The following VWA3B variants were observed in gnomAD, a reference collection of about 807,000 sequenced individuals.
VWA3B encodes the protein von Willebrand factor A domain-containing protein 3B.
In VWA3B, 138 loss-of-function variants were observed where a neutral mutation model predicts 158.3. The observed-to-expected ratio is 0.87, with a 90% CI of 0.76 to 1.00. The LOEUF (loss-of-function observed/expected upper bound fraction) is 1.00, where lower values mean the gene tolerates loss of function less well. VWA3B is among the 50% of genes least tolerant of loss of function. The pLI, the probability that VWA3B is intolerant of heterozygous loss-of-function variation, is 0.00. For synonymous variants in VWA3B, 596 were observed against 587.3 expected (o/e 1.01, Z -0.21); for missense variants, 1,555 against 1,565.1 (o/e 0.99, Z 0.11).
rs960569117 is a variant in VWA3B at position 98,281,022 on chromosome 2, C to G, written c.3046-9489C>G. ...TGCAAATGCCCTGGGAAGGAAGGCA[C>G]TAATTCGTTTGCCATGGGCCACTCG... On this transcript the variant is annotated intron_variant, in intron 22 of 27. Coordinates refer to ENST00000477737, the MANE Select transcript of VWA3B (RefSeq NM_144992.5). Among the ~76,000 whole-genome samples, 13 of 152,212 alleles carry G rather than the reference C, an allele frequency of 8.5e-5. 1 individual carries two copies. Among genetic ancestry groups the G allele is most frequent in the African/African-American group, 3.1e-4 (13 of 41,446 alleles).
At chr2:98,323,509 GA>G in the VWA3B span, among the ~76,000 whole-genome samples, 45 of 146,814 alleles carry the variant, frequency 3.1e-4, no homozygotes, top group East Asian at 9.9e-4. Flanking sequence ...AAAAGAGAAA[GA>G]AAAAAAAAAT....
Position 98,128,308 on chromosome 2 carries a change from G to GCCT in VWA3B, c.773_775dup (p.Ala258_Leu259insSer). 6.2e-7 allele frequency: 1 copy of GCCT among 1,614,110 alleles called. No individual in the cohort carries two copies. Among genetic ancestry groups the GCCT allele is most frequent in the Non-Finnish European group, 8.5e-7 (1 of 1,180,016 alleles). Reference sequence around the variant, plus strand: ...ATCCAAGGAGCTTCTCCTCCAGAGGGCCTTGGAGATCCCGTGTCCAGTCTA... The same window carrying GCCT: ...ATCCAAGGAGCTTCTCCTCCAGAGGGCCTCCTTGGAGATCCCGTGTCCAGTCTA... On this transcript the variant is annotated inframe_insertion, in exon 6 of 28. Coordinates refer to ENST00000477737, the MANE Select transcript of VWA3B (RefSeq NM_144992.5).
intron 8 of VWA3B, among the ~76,000 whole-genome samples, chr2:98,177,247 G>A (rs1680087291): frequency 6.6e-6 from 1 of 152,120 alleles, no homozygotes; most frequent in African/African-American, 2.4e-5. Context: ...GGGATGGGGA[G>A]GACAGGGCTG....
intron 22 of VWA3B, among the ~76,000 whole-genome samples, chr2:98,271,608 A>G (rs1688205071): frequency 6.6e-6 from 1 of 152,202 alleles, no homozygotes; most frequent in African/African-American, 2.4e-5. Flanking sequence ...ATAATATTCC[A>G]TGGTGTGAGT....
At chr2:98,235,912 G>T (rs4851952) in intron 17 of VWA3B, among the ~76,000 whole-genome samples, 122,644 of 152,208 alleles carry the variant, frequency 0.81, 49,731 homozygotes, top group South Asian at 0.9. Context: ...AAGGATATAT[G>T]TAAAACCCCA....
intron 22 of VWA3B, among the ~76,000 whole-genome samples, chr2:98,289,287 G>GCT (rs1434762927): frequency 6.6e-6 from 1 of 152,048 alleles, no homozygotes; most frequent in Admixed American, 6.6e-5. Flanking sequence ...GAGACTTCCT[G>GCT]CTGTCTGTGA....
intron 10 of VWA3B, among the ~76,000 whole-genome samples, chr2:98,191,576 C>T (rs751624136): frequency 1.3e-5 from 2 of 152,122 alleles, no homozygotes; most frequent in Non-Finnish European, 2.9e-5. Context: ...GTCCTGCTAC[C>T]GAGGCAATAC....
In VWA3B at chr2:98,092,372, C is replaced by T. The variant is rs539868235; in HGVS notation, c.-32-689C>T. Among the ~76,000 whole-genome samples, 7 of 152,330 alleles carry T rather than the reference C, an allele frequency of 4.6e-5. No homozygotes were observed. The South Asian group carries it at 1.2e-3, about 27-fold the overall frequency. On this transcript the variant is annotated intron_variant, in intron 1 of 27. Coordinates refer to ENST00000477737, the MANE Select transcript of VWA3B (RefSeq NM_144992.5). Reference sequence around the variant, plus strand: ...TATAAAAGTAAATTCCAGCTGGGCGCAGTGGCTCACGCCTGTAATCCCAAC... The same window carrying T: ...TATAAAAGTAAATTCCAGCTGGGCGTAGTGGCTCACGCCTGTAATCCCAAC...
chr2:98,202,740 A>C (rs1241713113), intron 12 of VWA3B, among the ~76,000 whole-genome samples: 2 of 152,018 alleles, frequency 1.3e-5, no homozygotes, highest in African/African-American at 4.8e-5. Context: ...TTTTTCTAGA[A>C]GTTTTATAAT....
chr2:98,237,629 T>C (rs1685790483), intron 19 of VWA3B, among the ~76,000 whole-genome samples: 1 of 152,148 alleles, frequency 6.6e-6, no homozygotes, highest in Non-Finnish European at 1.5e-5. Flanking sequence ...ATAATTCCAG[T>C]GGAACGGCAT....
chr2:98,125,417 A>C lies in VWA3B; in HGVS notation c.703-2822A>C, dbSNP rs1675279010. On this transcript the variant is annotated intron_variant, in intron 5 of 27. Coordinates refer to ENST00000477737, the MANE Select transcript of VWA3B (RefSeq NM_144992.5). The surrounding 1 kb of genome is among the most constrained non-coding windows in gnomAD (Gnocchi z 4.1). ...CAGCAAGGGCAGGGCTTGTGGGGCC[A>C]GGCAGCCTAGGCTTACCAGCTTCAA... 6.6e-6 allele frequency among the ~76,000 whole-genome samples: 1 copy of C among 152,222 alleles called. No individual in the cohort carries two copies. The highest frequency in any genetic ancestry group is 2.4e-5 in the African/African-American group (1 of 41,450).
intron 22 of VWA3B, among the ~76,000 whole-genome samples, chr2:98,282,432 CTTTTTTT>C (rs759230723): frequency 7.3e-4 from 91 of 124,884 alleles, no homozygotes; most frequent in South Asian, 2.9e-3. Context: ...ACATGAATTA[CTTTTTTT>C]TTTTTTTTTT....
At chr2:98,091,555 T>C (rs545253080) in intron 1 of VWA3B, among the ~76,000 whole-genome samples, 1 of 152,308 alleles carries the variant, frequency 6.6e-6, no homozygotes, top group African/African-American at 2.4e-5. Context: ...GTTTCCTCAT[T>C]TGTAAAATGA....
chr2:98,216,982 A>AAC, intron 13 of VWA3B: 2 of 1,232,688 alleles, frequency 1.6e-6, no homozygotes, highest in Non-Finnish European at 2.1e-6. Context: ...CATTGTAAGC[A>AAC]CCCGCCCCGC....
intron 21 of VWA3B, among the ~76,000 whole-genome samples, chr2:98,257,472 A>T (rs1046470754): frequency 4.6e-5 from 7 of 152,134 alleles, no homozygotes; most frequent in South Asian, 4.1e-4. Context: ...CTTTGGATAA[A>T]TATCCAGTAG....
At chr2:98,161,953 C>T (rs920119318) in intron 7 of VWA3B, among the ~76,000 whole-genome samples, 6 of 152,288 alleles carry the variant, frequency 3.9e-5, no homozygotes, top group East Asian at 1.9e-4. Context: ...TTGATCTGCC[C>T]GCCTCGGCCT....
chr2:98,245,824 A>G (rs1198342055), intron 19 of VWA3B, among the ~76,000 whole-genome samples: 1 of 152,134 alleles, frequency 6.6e-6, no homozygotes, highest in Non-Finnish European at 1.5e-5. Flanking sequence ...TTTTTCTTCT[A>G]AAAGTTTATG....
intron 2 of VWA3B, among the ~76,000 whole-genome samples, chr2:98,102,085 A>C (rs929344802): frequency 1.3e-5 from 2 of 152,066 alleles, no homozygotes; most frequent in African/African-American, 2.4e-5. Context: ...CTTAATGAGC[A>C]TGCTGCCTTC....
In VWA3B at chr2:98,093,051, G is replaced by A. The variant is rs1573735924; in HGVS notation, c.-32-10G>A. ...TTTTAGGAAGTCTGAGTTTATGATT[G>A]CCCTTACAGGAGTTTGCTGTGACTT... On this transcript the variant is annotated splice_polypyrimidine_tract_variant and intron_variant, in intron 1 of 27. Transcript: ENST00000477737. 6.3e-7 allele frequency: 1 copy of A among 1,582,062 alleles called. No individual in the cohort carries two copies. Among genetic ancestry groups the A allele is most frequent in the African/African-American group, 1.4e-5 (1 of 73,908 alleles).
Sources: gnomAD v4.1 joint callset for allele counts (sites outside exome capture counted in the v4.1 genomes callset) on GRCh38, gnomAD v4.1.1 for gene constraint, Gnocchi (gnomAD v3.1) non-coding constraint, MANE v1.5 for transcripts, NCBI Gene and HGNC (gene_info 2026-07-23, HGNC 2026-07-21) for gene names.